The following DTL variants were observed in gnomAD, a reference collection of about 807,000 sequenced individuals.
DTL encodes denticleless E3 ubiquitin protein ligase adapter, also known as denticleless protein homolog.
Under a neutral mutation model 87.0 loss-of-function variants are expected in DTL, and 46 were observed. The observed-to-expected ratio is 0.53, with a 90% CI of 0.42 to 0.68. The LOEUF is 0.68. Ranked by LOEUF, DTL falls within the 30% of genes least tolerant of loss-of-function variation. The probability of loss-of-function intolerance (pLI) is 0.00; values close to 1 mark genes in which losing one functional copy is unlikely to be tolerated. For synonymous variants in DTL, 308 were observed against 311.2 expected (o/e 0.99, Z 0.11); for missense variants, 737 against 869.4 (o/e 0.85, Z 1.91).
At position 212,100,976 on chromosome 1, in the gene DTL, G is replaced by C; in HGVS notation, c.1986G>C (p.Trp662Cys). 1 of 1,614,090 alleles carries C rather than the reference G, an allele frequency of 6.2e-7. No individual in the cohort carries two copies. Among genetic ancestry groups the C allele is most frequent in the Non-Finnish European group, 8.5e-7 (1 of 1,180,006 alleles). The change falls in exon 14 of 15, where the codon TGG (tryptophan) becomes TGC (cysteine). Residue 662 changes from tryptophan to cysteine, a missense_variant. Transcript: ENST00000366991. ...ATAGTTCCCCAGAGAATAAAAACTG[G>C]TTGTTGGCCATGGCAGCCAAACGGA... ...KENSSPENKN[W>C]LLAMAAKRKA...
intron 7 of DTL, among the ~76,000 whole-genome samples, 184 bp downstream of exon 7, chr1:212,065,213 G>T (rs1183820568): frequency 6.6e-6 from 1 of 152,044 alleles, no homozygotes; most frequent in Non-Finnish European, 1.5e-5. Context: ...GAATTATAAT[G>T]CCATTTACCT....
At chr1:212,092,022 A>G (rs1363799348) in intron 13 of DTL, among the ~76,000 whole-genome samples, 8 of 152,246 alleles carry the variant, frequency 5.3e-5, no homozygotes, top group South Asian at 2.1e-4. Context: ...TTACATGGAT[A>G]GGTACTTTAG....
rs1194138800 is a variant in DTL, at chr1:212,062,935, G to C, written c.512G>C (p.Arg171Thr). Residue 171 changes from arginine (R) to threonine (T), a missense_variant, in exon 6 of 15, where the codon AGG becomes ACG. By Grantham distance (71) the Arg-to-Thr change is moderately conservative (BLOSUM62 -1). Coordinates refer to ENST00000366991, the MANE Select transcript of DTL (RefSeq NM_016448.4). ...GGCAACATTATGGTCTGGGATACCA[G>C]GTGCAACAAAAAAGGTTATCTAGAT... ...RDGNIMVWDT[R>T]CNKKDGFYRQ... The C allele has an allele frequency of 3.1e-6, 5 of 1,612,874 alleles. No homozygotes were observed. Among genetic ancestry groups the C allele is most frequent in the African/African-American group, 1.3e-5 (1 of 74,880 alleles).
At chr1:212,071,126 T>C (rs1654658055) in intron 10 of DTL, among the ~76,000 whole-genome samples, 1 of 152,222 alleles carries the variant, frequency 6.6e-6, no homozygotes, top group Non-Finnish European at 1.5e-5. Flanking sequence ...TATGCCTGCA[T>C]AGCTTTTTCC....
chr1:212,062,110 C>A (rs989251604), intron 5 of DTL, among the ~76,000 whole-genome samples: 1 of 152,172 alleles, frequency 6.6e-6, no homozygotes, highest in African/African-American at 2.4e-5. Context: ...ACATATACCC[C>A]ATAAATATGT....
chr1:212,090,032 T>C (rs1380582533), intron 13 of DTL, among the ~76,000 whole-genome samples: 2 of 152,004 alleles, frequency 1.3e-5, no homozygotes, highest in African/African-American at 4.8e-5. Flanking sequence ...AAACTTCCTT[T>C]TCTGCTGAAA....
chr1:212,101,135 A>C, intron 14 of DTL, 51 bp downstream of exon 14: 2 of 1,294,218 alleles, frequency 1.5e-6, no homozygotes, highest in Non-Finnish European at 2.1e-6. Flanking sequence ...AAGGGGCCAG[A>C]CACCCAGATG....
intron 13 of DTL, among the ~76,000 whole-genome samples, chr1:212,095,046 G>T (rs1330228120): frequency 6.6e-6 from 1 of 152,094 alleles, no homozygotes; most frequent in Non-Finnish European, 1.5e-5. Flanking sequence ...ACAGTGACAG[G>T]TTGACTTCCT....
intron 10 of DTL, 91 bp from the exon 11 acceptor site, chr1:212,072,010 A>T: frequency 2.2e-6 from 2 of 895,468 alleles, no homozygotes; most frequent in Non-Finnish European, 3.6e-6. Context: ...CAATACAGTG[A>T]TAAAACTTGT....
At chr1:212,054,864 A>T (rs1223340944) in intron 5 of DTL, among the ~76,000 whole-genome samples, 1 of 152,042 alleles carries the variant, frequency 6.6e-6, no homozygotes, top group Admixed American at 6.6e-5. Context: ...CCCAAACAAC[A>T]GTTTCTATTT....
intron 1 of DTL, among the ~76,000 whole-genome samples, chr1:212,036,336 C>T (rs1311436472): frequency 6.6e-6 from 1 of 152,132 alleles, no homozygotes; most frequent in African/African-American, 2.4e-5. Context: ...TCTTAGTGAG[C>T]CCAGCTATGT....
rs1655229052 is a variant in DTL, at chr1:212,089,699, C to T, written c.1261+8949C>T. On this transcript the variant is annotated intron_variant, in intron 13 of 14. Coordinates refer to ENST00000366991, the MANE Select transcript of DTL (RefSeq NM_016448.4). ...AAAGCTAACAAAATTTCTTTGACCC[C>T]CATGGACCACTTCCTCTTTCACCAT... Among the ~76,000 whole-genome samples, 3 of 152,302 alleles carry T rather than the reference C, an allele frequency of 2.0e-5. No homozygotes were observed. The South Asian group carries it at 6.2e-4, about 32-fold the overall frequency.
At chr1:212,042,771 G>A (rs1667692310) in intron 1 of DTL, among the ~76,000 whole-genome samples, 1 of 152,146 alleles carries the variant, frequency 6.6e-6, no homozygotes, top group East Asian at 1.9e-4. Context: ...TAGATAGTAA[G>A]CCCAAAGCTA....
At chr1:212,095,665 G>A (rs181009855) in intron 13 of DTL, among the ~76,000 whole-genome samples, 8 of 152,216 alleles carry the variant, frequency 5.3e-5, no homozygotes, top group Non-Finnish European at 1.0e-4. Flanking sequence ...TGTTTATATG[G>A]TGTATCACAT....
chr1:212,089,486 G>C (rs1242018034), intron 13 of DTL, among the ~76,000 whole-genome samples: 1 of 152,148 alleles, frequency 6.6e-6, no homozygotes, highest in Non-Finnish European at 1.5e-5. Flanking sequence ...TAGGCACAGA[G>C]AAAATTGCGG....
At chr1:212,048,121 TAAAC>T (rs1421237702) in intron 5 of DTL, among the ~76,000 whole-genome samples, 1 of 152,238 alleles carries the variant, frequency 6.6e-6, no homozygotes, top group Admixed American at 6.5e-5. Context: ...ATAAGGCTGA[TAAAC>T]AACATAATTT....
chr1:212,076,462 G>A (rs1041638076), intron 11 of DTL, among the ~76,000 whole-genome samples: 3 of 152,086 alleles, frequency 2.0e-5, no homozygotes, highest in Non-Finnish European at 4.4e-5. Flanking sequence ...TATTTAGGGG[G>A]TTTTTTGAAA....
At chr1:212,086,289 C>T (rs1250249421) in intron 13 of DTL, among the ~76,000 whole-genome samples, 2 of 152,156 alleles carry the variant, frequency 1.3e-5, no homozygotes, top group East Asian at 3.9e-4. Flanking sequence ...TTTTCTCTCT[C>T]TCATTTTAGA....
rs544738351 is a variant in DTL, at chr1:212,066,958, C to A, written c.713+73C>A. 4.5e-5 allele frequency: 57 copies of A among 1,256,976 alleles called. No homozygotes were observed. In the South Asian group the frequency reaches 6.9e-4, roughly 15 times the overall value. The allele number at this position is 1,256,976 out of a possible 1,614,324, so 77.9% of individuals were successfully genotyped here. Reference sequence around the variant, plus strand: ...TTGTGATGAGGCAGTCACATAGTCTCATTATAATTGAATGTGTGTGCTTTC... The same window carrying A: ...TTGTGATGAGGCAGTCACATAGTCTAATTATAATTGAATGTGTGTGCTTTC... On this transcript the variant is annotated intron_variant, in intron 8 of 14. Coordinates refer to ENST00000366991, the MANE Select transcript of DTL (RefSeq NM_016448.4).
Sources: gnomAD v4.1 joint callset for allele counts (sites outside exome capture counted in the v4.1 genomes callset) on GRCh38, gnomAD v4.1.1 for gene constraint, MANE v1.5 for transcripts, NCBI Gene and HGNC (gene_info 2026-07-23, HGNC 2026-07-21) for gene names.